The following RNF212B variants were observed in gnomAD, a reference collection of about 807,000 sequenced individuals.
The protein encoded by RNF212B is E3 ubiquitin-protein ligase RNF212B.
Under a neutral mutation model 55.5 loss-of-function variants are expected in RNF212B, and 52 were observed. That is an observed-to-expected ratio of 0.94 (90% CI 0.75 to 1.18). RNF212B has a LOEUF of 1.18. Among genes scored for constraint, RNF212B ranks in the 50% most tolerant of loss-of-function variants. RNF212B has a pLI of 0.00. For missense variants in RNF212B, 289 were observed against 350.4 expected (o/e 0.82, Z 1.40); for synonymous variants, 99 against 121.4 (o/e 0.82, Z 1.21).
chr14:23,243,735 A>G (rs1262523157), intron 3 of RNF212B, among the ~76,000 whole-genome samples: 1 of 129,230 alleles, frequency 7.7e-6, no homozygotes, highest in Non-Finnish European at 1.6e-5. Flanking sequence ...CAAGCAAGCA[A>G]GCAAGCAAGC....
rs888169199 is a variant in RNF212B at position 23,273,438 on chromosome 14, T to C, written c.*547T>C. On this transcript the variant is annotated 3_prime_UTR_variant, in exon 15 of 15. Coordinates refer to ENST00000430154, the MANE Select transcript of RNF212B (RefSeq NM_001282322.3). ...AGACACTGATTTTCAGCTTAGTATA[T>C]AGATAGTAAAATAAAGACGATGCCC... 1 of 152,324 alleles carries C rather than the reference T, an allele frequency of 6.6e-6. No individual in the cohort carries two copies. Among genetic ancestry groups the C allele is most frequent in the Admixed American group, 6.5e-5 (1 of 15,290 alleles). 9.4% of individuals were successfully genotyped at this position (152,324 alleles called of 1,614,324 possible).
chr14:23,226,809 C>A (rs1594900306), intron 2 of RNF212B, among the ~76,000 whole-genome samples: 1 of 27,856 alleles, frequency 3.6e-5, no homozygotes, highest in Non-Finnish European at 5.4e-5. Context: ...CTTTCTTCTT[C>A]TTCTTTTTTT....
At chr14:23,228,021 G>A (rs1013336288) in intron 2 of RNF212B, among the ~76,000 whole-genome samples, 3 of 150,382 alleles carry the variant, frequency 2.0e-5, no homozygotes, top group Non-Finnish European at 4.5e-5. Context: ...ACCTGAGGTC[G>A]GGAGTTCAAG....
At chr14:23,201,298 A>G (rs1879266090) in intron 2 of RNF212B, among the ~76,000 whole-genome samples, 1 of 152,214 alleles carries the variant, frequency 6.6e-6, no homozygotes, top group Non-Finnish European at 1.5e-5. Context: ...GAGAACCAAA[A>G]CAAGGCAACA....
upstream of RNF212B, among the ~76,000 whole-genome samples, chr14:23,237,251 T>TC: frequency 6.6e-6 from 1 of 151,968 alleles, no homozygotes; most frequent in Non-Finnish European, 1.5e-5. Flanking sequence ...TGCCTCAGCC[T>TC]CCTCAGTAGC....
At chr14:23,218,922 TA>T (rs1236959568) in intron 2 of RNF212B, among the ~76,000 whole-genome samples, 10 of 151,308 alleles carry the variant, frequency 6.6e-5, no homozygotes, top group African/African-American at 2.2e-4. Context: ...GGTCAAGGAT[TA>T]AAAAAAAGGA....
In RNF212B at chr14:23,262,125, C is replaced by T. The variant is rs558084442; in HGVS notation, c.435-540C>T. ...TCTAATGTTCTTTTGTCCTTCTATA[C>T]TTCTGATAAGCCCATTACAACACTT... On this transcript the variant is annotated intron_variant, in intron 7 of 14. Transcript: ENST00000430154. 3.9e-5 allele frequency among the ~76,000 whole-genome samples: 6 copies of T among 152,292 alleles called. No homozygotes were observed. The South Asian group carries it at 1.2e-3, about 32-fold the overall frequency.
intron 2 of RNF212B, among the ~76,000 whole-genome samples, chr14:23,218,053 G>A: frequency 6.6e-6 from 1 of 152,022 alleles, no homozygotes. Context: ...TAATTAAAAA[G>A]AATCAAGCAG....
intron 2 of RNF212B, among the ~76,000 whole-genome samples, chr14:23,213,044 G>A (rs8009627): frequency 0.088 from 13,420 of 152,044 alleles, 1,529 homozygotes; most frequent in African/African-American, 0.27. Context: ...CGGGCATGGT[G>A]GGTTATGCCT....
intron 2 of RNF212B, among the ~76,000 whole-genome samples, chr14:23,226,781 T>C (rs1198637167): frequency 6.9e-6 from 1 of 144,816 alleles, no homozygotes; most frequent in African/African-American, 2.5e-5. Flanking sequence ...TCCTCTCTTC[T>C]TTTTTTTTCC....
upstream of RNF212B, among the ~76,000 whole-genome samples, chr14:23,236,444 G>A (rs1380766393): frequency 6.6e-6 from 1 of 152,090 alleles, no homozygotes; most frequent in Non-Finnish European, 1.5e-5. Context: ...GAACCCAGGA[G>A]GCGGAGGTTG....
intron 2 of RNF212B, among the ~76,000 whole-genome samples, chr14:23,241,694 G>T (rs1384501512): frequency 2.0e-5 from 3 of 152,024 alleles, no homozygotes; most frequent in African/African-American, 7.2e-5. Context: ...AAAGTGCTGG[G>T]ATTACAGGTG....
chr14:23,198,961 G>A (rs79244614), intron 2 of RNF212B, among the ~76,000 whole-genome samples: 3,226 of 151,914 alleles, frequency 0.021, 128 homozygotes, highest in African/African-American at 0.074. Flanking sequence ...TACATGAGTC[G>A]GTATACACAC....
chr14:23,203,934 A>G (rs1476205044), intron 2 of RNF212B, among the ~76,000 whole-genome samples: 1 of 152,168 alleles, frequency 6.6e-6, no homozygotes, highest in African/African-American at 2.4e-5. Context: ...TTGCAGGAGT[A>G]AGGTGGTGTT....
At chr14:23,266,181 A>G (rs1885678138) in intron 11 of RNF212B, among the ~76,000 whole-genome samples, 1 of 151,072 alleles carries the variant, frequency 6.6e-6, no homozygotes, top group Non-Finnish European at 1.5e-5. Context: ...CTGGTCTCCA[A>G]CTCCTTACCT....
At chr14:23,219,936 C>T (rs534341765) in intron 2 of RNF212B, among the ~76,000 whole-genome samples, 1 of 152,044 alleles carries the variant, frequency 6.6e-6, no homozygotes, top group Non-Finnish European at 1.5e-5. Context: ...GTAATCCCAG[C>T]ATTTTGGGAA....
chr14:23,220,327 T>A (rs142194185), intron 2 of RNF212B, among the ~76,000 whole-genome samples: 1 of 148,948 alleles, frequency 6.7e-6, no homozygotes, highest in Non-Finnish European at 1.5e-5. Flanking sequence ...AGGCCCAGAG[T>A]TCAAGACCAG....
chr14:23,232,330 C>T (rs1882710091), intron 2 of RNF212B, among the ~76,000 whole-genome samples: 2 of 146,502 alleles, frequency 1.4e-5, no homozygotes, highest in Non-Finnish European at 3.1e-5. Context: ...CTCTGCCCGG[C>T]TGCCCTGTCT....
chr14:23,211,042 A>G (rs1594881924), intron 2 of RNF212B, among the ~76,000 whole-genome samples: 3 of 151,844 alleles, frequency 2.0e-5, no homozygotes, highest in African/African-American at 7.3e-5. Flanking sequence ...ACATAGTGAA[A>G]CCCCGTCTCT....
Sources: allele counts gnomAD v4.1 joint callset (sites outside exome capture counted in the v4.1 genomes callset), GRCh38; gene constraint gnomAD v4.1.1; transcripts MANE v1.5; gene names NCBI Gene and HGNC (gene_info 2026-07-23, HGNC 2026-07-21).